PTPN2: variants seen among roughly 807,000 people sequenced by gnomAD.
The protein encoded by PTPN2 is tyrosine-protein phosphatase non-receptor type 2.
Under a neutral mutation model 57.3 loss-of-function variants are expected in PTPN2, and 19 were observed. That is an observed-to-expected ratio of 0.33 (90% CI 0.23 to 0.49). The LOEUF (loss-of-function observed/expected upper bound fraction) is 0.49. Among genes scored for constraint, PTPN2 ranks in the 20% least tolerant of loss-of-function variants. The pLI is 0.99. For synonymous variants in PTPN2, 153 were observed against 164.9 expected, an observed-to-expected ratio of 0.93 and a Z score of 0.55; for missense variants, 358 against 501.1, an observed-to-expected ratio of 0.71 and a Z score of 2.73.
chr18:12,844,062 ATTG>A (rs2043137229), intron 2 of PTPN2: 1 of 152,088 alleles, frequency 6.6e-6, no homozygotes, highest in African/African-American at 2.4e-5. Flanking sequence ...TGGAAACTGG[ATTG>A]TTTTCACCCA....
intron 5 of PTPN2, among the ~76,000 whole-genome samples, chr18:12,825,273 C>T (rs2042409709): frequency 6.6e-6 from 1 of 152,152 alleles, no homozygotes; most frequent in East Asian, 1.9e-4. Context: ...AATCACTTAA[C>T]AATAGCTTTG....
chr18:12,817,306 G>A lies in PTPN2; in HGVS notation c.555C>T (p.Val185=). The A allele has an allele frequency of 6.2e-7, 1 of 1,614,054 alleles. No homozygotes were observed. Among genetic ancestry groups the A allele is most frequent in the South Asian group, 1.1e-5 (1 of 91,072 alleles). Reference sequence around the variant, plus strand: ...TGAGAAATGAAGCTGGTGATTCAGGGACTCCAAAATCTGGCCAGGTAGTAT... The same window carrying A: ...TGAGAAATGAAGCTGGTGATTCAGGAACTCCAAAATCTGGCCAGGTAGTAT... ...FHYTTWPDFG[V]PESPASFLNF... The change falls in exon 6 of 9, where the codon GTC becomes GTT. Residue 185 remains valine (V), a synonymous_variant. Transcript: ENST00000309660.
chr18:12,830,705 T>A (rs754607081), intron 4 of PTPN2, among the ~76,000 whole-genome samples: 6 of 152,336 alleles, frequency 3.9e-5, no homozygotes, highest in Admixed American at 6.5e-5. Context: ...ATGTCACTGC[T>A]AGTCCATATT....
chr18:12,860,257 C>A (rs2043750734), intron 1 of PTPN2, among the ~76,000 whole-genome samples: 1 of 150,310 alleles, frequency 6.7e-6, no homozygotes, highest in Non-Finnish European at 1.5e-5. Flanking sequence ...CCATTGCACT[C>A]CAGTCTGGGC....
At chr18:12,878,117 G>T (rs2044552546) in intron 1 of PTPN2, among the ~76,000 whole-genome samples, 1 of 152,080 alleles carries the variant, frequency 6.6e-6, no homozygotes, top group South Asian at 2.1e-4. Flanking sequence ...TGGACAGATT[G>T]CTTGAACTCA....
chr18:12,826,394 C>A (rs2042460678), intron 4 of PTPN2, among the ~76,000 whole-genome samples: 1 of 152,108 alleles, frequency 6.6e-6, no homozygotes, highest in Non-Finnish European at 1.5e-5. Flanking sequence ...CAGAGCAAGA[C>A]TCCATCTCGG....
intron 3 of PTPN2, among the ~76,000 whole-genome samples, chr18:12,833,478 C>G (rs962914902): frequency 7.2e-5 from 11 of 152,020 alleles, no homozygotes; most frequent in African/African-American, 2.7e-4. Flanking sequence ...TCTTAGGGAG[C>G]AGGAAAGGCT....
At chr18:12,846,662 A>G (rs2043219606) in intron 2 of PTPN2, among the ~76,000 whole-genome samples, 1 of 152,202 alleles carries the variant, frequency 6.6e-6, no homozygotes, top group African/African-American at 2.4e-5. Context: ...CCAAAGCTCT[A>G]TTCTCCTCCT....
chr18:12,880,207 A>G (rs7241016), intron 1 of PTPN2, among the ~76,000 whole-genome samples: 40,261 of 152,064 alleles, frequency 0.26, 7,388 homozygotes, highest in African/African-American at 0.52. Context: ...CAAAGAGAAC[A>G]ACATTTACAA....
downstream of PTPN2, among the ~76,000 whole-genome samples, chr18:12,791,362 G>A (rs1392967217): frequency 6.6e-6 from 1 of 152,060 alleles, no homozygotes; most frequent in Non-Finnish European, 1.5e-5. Context: ...CATCATTCAA[G>A]TCAAAGTATA....
At chr18:12,801,793 T>C in intron 8 of PTPN2, 177 bp downstream of exon 8, 6 of 647,252 alleles carry the variant, frequency 9.3e-6, no homozygotes, top group South Asian at 9.2e-5. Context: ...GGTTTCAAAC[T>C]CCTAGACTCA....
chr18:12,824,190 A>G (rs1210083315), intron 5 of PTPN2, among the ~76,000 whole-genome samples: 2 of 152,236 alleles, frequency 1.3e-5, no homozygotes, highest in African/African-American at 2.4e-5. Flanking sequence ...TTGGGACAAA[A>G]TAAATATAGT....
At chr18:12,790,712 G>T (rs2040961952), downstream of PTPN2, among the ~76,000 whole-genome samples, 1 of 152,182 alleles carries the variant, frequency 6.6e-6, no homozygotes, top group Admixed American at 6.6e-5. Flanking sequence ...ATCATAAACT[G>T]CTTTTTAAAC....
At chr18:12,826,543 A>G (rs2042467057) in intron 4 of PTPN2, among the ~76,000 whole-genome samples, 1 of 152,174 alleles carries the variant, frequency 6.6e-6, no homozygotes, top group South Asian at 2.1e-4. Context: ...GCCACAGGCA[A>G]GCACTGATCC....
chr18:12,856,329 T>A (rs549354551), intron 2 of PTPN2, among the ~76,000 whole-genome samples: 2 of 152,314 alleles, frequency 1.3e-5, no homozygotes, highest in African/African-American at 4.8e-5. Context: ...GAAAATCCTG[T>A]GGCTACGTGA....
intron 1 of PTPN2, among the ~76,000 whole-genome samples, chr18:12,870,553 G>A (rs1165293167): frequency 8.0e-6 from 1 of 124,266 alleles, no homozygotes; most frequent in Non-Finnish European, 1.6e-5. Context: ...CTGTTGCCCA[G>A]GCTGGAGTGC....
intron 1 of PTPN2, 49 bp from the exon 2 acceptor site, chr18:12,859,303 G>T: frequency 7.8e-7 from 1 of 1,280,192 alleles, no homozygotes; most frequent in Non-Finnish European, 1.1e-6. Context: ...ATTCTCCACA[G>T]CAAAACTTAT....
rs762619357 is a variant in PTPN2, at chr18:12,802,108, A to G, written c.902T>C (p.Phe301Ser). ...ELSKEDLSPAFDHSPNKIMTE... is the reference protein window; with the variant it reads ...ELSKEDLSPASDHSPNKIMTE... ...CATTATTTTGTTTGGTGAATGATCA[A>G]AGGCAGGAGATAAGTCTTCCTTAGA... The change falls in exon 8 of 9, where the codon TTT becomes TCT. Residue 301 changes from phenylalanine (F) to serine (S), a missense_variant. By Grantham distance (155) the Phe-to-Ser change is radical. Coordinates refer to ENST00000309660, the MANE Select transcript of PTPN2 (RefSeq NM_002828.4). The G allele has an allele frequency of 6.2e-7, 1 of 1,611,978 alleles. No individual in the cohort carries two copies. Among genetic ancestry groups the G allele is most frequent in the Non-Finnish European group, 8.5e-7 (1 of 1,178,950 alleles).
At chr18:12,823,348 C>T (rs1410686182) in intron 5 of PTPN2, among the ~76,000 whole-genome samples, 1 of 152,122 alleles carries the variant, frequency 6.6e-6, no homozygotes, top group African/African-American at 2.4e-5. Flanking sequence ...CAACAATTAG[C>T]ATCTTTTCAA....
Sources: allele counts gnomAD v4.1 joint callset (sites outside exome capture counted in the v4.1 genomes callset), GRCh38; gene constraint gnomAD v4.1.1; transcripts MANE v1.5; gene names NCBI Gene and HGNC (gene_info 2026-07-23, HGNC 2026-07-21).